RFLNA: variants seen among roughly 807,000 people sequenced by gnomAD.
RFLNA encodes the protein refilin A.
RFLNA carries 5 observed loss-of-function variants against 7.8 expected under a neutral mutation model. The ratio of observed to expected loss-of-function variants is 0.64; its 90% confidence interval spans 0.34 to 1.35. The LOEUF is 1.35. Among genes scored for constraint, RFLNA ranks in the 40% most tolerant of loss-of-function variants. The pLI is 0.04. For missense variants in RFLNA, 278 were observed against 305.5 expected, an observed-to-expected ratio of 0.91 and a Z score of 0.67; for synonymous variants, 141 against 131.3, an observed-to-expected ratio of 1.07 and a Z score of -0.50.
At chr12:124,300,665 TAGAA>T (rs1454167012) in intron 1 of RFLNA, among the ~76,000 whole-genome samples, 2 of 148,808 alleles carry the variant, frequency 1.3e-5, no homozygotes, top group Non-Finnish European at 3.0e-5. Flanking sequence ...GGCAAATAGA[TAGAA>T]GGATGGATCG....
At chr12:124,313,114 A>C (rs2034282585) in intron 2 of RFLNA, among the ~76,000 whole-genome samples, 2 of 152,288 alleles carry the variant, frequency 1.3e-5, no homozygotes, top group Middle Eastern at 3.4e-3. Flanking sequence ...TAGTTTTTAA[A>C]ATGCAAGCCA....
intron 1 of RFLNA, among the ~76,000 whole-genome samples, chr12:124,302,760 G>A (rs536900671): frequency 1.3e-5 from 2 of 152,010 alleles, no homozygotes; most frequent in Non-Finnish European, 2.9e-5. Flanking sequence ...GGTTCTCACC[G>A]CCAGGGAGGT....
rs1319364537 is a variant in RFLNA, at chr12:124,295,128, G to C, written c.-302G>C. 1 of 152,042 alleles carries C rather than the reference G, an allele frequency of 6.6e-6. No individual in the cohort carries two copies. The highest frequency in any genetic ancestry group is 2.4e-5 in the African/African-American group (1 of 41,376). 9.4% of individuals were successfully genotyped at this position (152,042 alleles called of 1,614,324 possible). A position where few individuals can be genotyped will look rare whatever the true frequency, so the allele number is the denominator to read the frequency against. ...GGGCGGCAACGTGCGCCTCGGGGCT[G>C]GGCCGGCCTGCGGGATCGCAGCGCA... On this transcript the variant is annotated 5_prime_UTR_variant, in exon 1 of 3. Transcript: ENST00000546355.
rs889520292 is a variant in RFLNA at position 124,306,076 on chromosome 12, C to T, written c.208-5742C>T. Among the ~76,000 whole-genome samples the T allele has an allele frequency of 1.3e-5, 2 of 152,122 alleles. No individual in the cohort carries two copies. The highest frequency in any genetic ancestry group is 6.6e-5 in the Admixed American group (1 of 15,266). On this transcript the variant is annotated intron_variant, in intron 1 of 2. Transcript: ENST00000546355. The surrounding 1 kb of genome is among the most constrained non-coding windows in gnomAD (Gnocchi z 5.2). ...CACAGACTGCTGCCAAACTTGAGGA[C>T]AGGTATGGGCCCATACTCGGGGCTC...
At chr12:124,308,933 C>G (rs1052379268) in intron 1 of RFLNA, among the ~76,000 whole-genome samples, 1 of 152,240 alleles carries the variant, frequency 6.6e-6, no homozygotes, top group Non-Finnish European at 1.5e-5. Context: ...CCGGCCAGTG[C>G]GACAGCTGCC....
chr12:124,299,905 G>A (rs895585369), intron 1 of RFLNA, among the ~76,000 whole-genome samples: 6 of 152,296 alleles, frequency 3.9e-5, no homozygotes, highest in African/African-American at 1.4e-4. Context: ...CGCCCTGCCC[G>A]GCAGAGCTGT....
At chr12:124,292,006 G>A (rs1280003596), upstream of RFLNA, among the ~76,000 whole-genome samples, 1 of 152,154 alleles carries the variant, frequency 6.6e-6, no homozygotes, top group Non-Finnish European at 1.5e-5. Context: ...CGCTCTTTAC[G>A]ACCCCTTGTC....
At chr12:124,309,383 C>T (rs771143042) in intron 1 of RFLNA, among the ~76,000 whole-genome samples, 5 of 152,180 alleles carry the variant, frequency 3.3e-5, no homozygotes, top group African/African-American at 9.6e-5. Context: ...CAGCAAGCTG[C>T]GACGAGGCCA....
rs182144365 is a variant in RFLNA, at chr12:124,309,456, G to A, written c.208-2362G>A. ...GCGCAGTGCCGGCACACAGTGGCGCGCAGTGGGTGAGCTGAACGAAAGGCG... is the reference window on the plus strand; with the variant it reads ...GCGCAGTGCCGGCACACAGTGGCGCACAGTGGGTGAGCTGAACGAAAGGCG... On this transcript the variant is annotated intron_variant, in intron 1 of 2. Transcript: ENST00000546355. Among the ~76,000 whole-genome samples the A allele has an allele frequency of 2.0e-3, 308 of 152,354 alleles. No individual in the cohort carries two copies. The Middle Eastern group carries it at 0.024, about 12-fold the overall frequency.
chr12:124,305,892 T>C (rs535611715), intron 1 of RFLNA, among the ~76,000 whole-genome samples: 28 of 152,302 alleles, frequency 1.8e-4, no homozygotes, highest in Non-Finnish European at 3.8e-4. Context: ...ACTCACTCCG[T>C]GTCAATGCCA....
At chr12:124,312,801 CGCATAT>C in intron 2 of RFLNA, among the ~76,000 whole-genome samples, 2 of 1,960 alleles carry the variant, frequency 1.0e-3, no homozygotes, top group Non-Finnish European at 2.2e-3. Flanking sequence ...ATGCATATGA[CGCATAT>C]GACATCTTAG....
intron 1 of RFLNA, among the ~76,000 whole-genome samples, chr12:124,311,136 C>A (rs1182507705): frequency 6.6e-6 from 1 of 152,234 alleles, no homozygotes; most frequent in African/African-American, 2.4e-5. Flanking sequence ...TGGAGGAGAA[C>A]CTGGGTAGGG....
chr12:124,304,173 A>G (rs2034098125), intron 1 of RFLNA, among the ~76,000 whole-genome samples: 1 of 152,230 alleles, frequency 6.6e-6, no homozygotes, highest in African/African-American at 2.4e-5. Flanking sequence ...GCAGCCAGAA[A>G]GACGAAGCTG....
chr12:124,302,986 G>C (rs1010768436), intron 1 of RFLNA, among the ~76,000 whole-genome samples: 5 of 152,022 alleles, frequency 3.3e-5, no homozygotes, highest in African/African-American at 9.7e-5. Flanking sequence ...CAACGGGGGA[G>C]GGGGGGCTCT....
At chr12:124,296,649 AAGG>A (rs946111376) in intron 1 of RFLNA, among the ~76,000 whole-genome samples, 8 of 152,198 alleles carry the variant, frequency 5.3e-5, no homozygotes, top group African/African-American at 1.9e-4. Flanking sequence ...CCACAGCGGA[AAGG>A]AGCGGCTCCC....
At position 124,314,411 on chromosome 12, in the gene RFLNA, C is replaced by T; in HGVS notation, c.537C>T (p.Phe179=). ...IIFPKHARST[F]RTTLHCSLGR... ...TCCCCAAGCATGCCAGGAGCACTTT[C>T]CGGACCACCCTGCACTGCAGCCTGG... Residue 179 remains phenylalanine, a synonymous_variant, in exon 3 of 3, where the codon TTC becomes TTT. Coordinates refer to ENST00000546355, the MANE Select transcript of RFLNA (RefSeq NM_001365156.1). 2 of 1,607,744 alleles carry T rather than the reference C, an allele frequency of 1.2e-6. No homozygotes were observed. Among genetic ancestry groups the T allele is most frequent in the Non-Finnish European group, 1.7e-6 (2 of 1,179,874 alleles).
chr12:124,293,527 A>G (rs977697993), upstream of RFLNA, among the ~76,000 whole-genome samples: 2 of 152,176 alleles, frequency 1.3e-5, no homozygotes, highest in African/African-American at 2.4e-5. Flanking sequence ...ATTCTGGTCA[A>G]GTGGCCCAAG....
In RFLNA at chr12:124,309,024, G is replaced by A. The variant is rs145039736; in HGVS notation, c.208-2794G>A. Among the ~76,000 whole-genome samples, 37 of 152,344 alleles carry A rather than the reference G, an allele frequency of 2.4e-4. No homozygotes were observed. In the East Asian group the frequency reaches 2.7e-3, roughly 11 times the overall value. ...GAATTTAAGTTGAATAGCCCCGTGC[G>A]GCTAGTGGCCCCTGTATTAGAAGCC... On this transcript the variant is annotated intron_variant, in intron 1 of 2. Coordinates refer to ENST00000546355, the MANE Select transcript of RFLNA (RefSeq NM_001365156.1).
At chr12:124,301,945 G>A (rs11057574) in intron 1 of RFLNA, among the ~76,000 whole-genome samples, 15,819 of 152,098 alleles carry the variant, frequency 0.1, 924 homozygotes, top group African/African-American at 0.15. Context: ...GTCTGAAATC[G>A]AGCTGACGGC....
Sources: allele counts gnomAD v4.1 joint callset (sites outside exome capture counted in the v4.1 genomes callset), GRCh38; gene constraint gnomAD v4.1.1; non-coding constraint Gnocchi (gnomAD v3.1); transcripts MANE v1.5; gene names NCBI Gene and HGNC (gene_info 2026-07-23, HGNC 2026-07-21).